NCOA7: variants seen among roughly 807,000 people sequenced by gnomAD.
NCOA7 encodes the protein 140 kDa estrogen receptor-associated protein.
In NCOA7, 45 loss-of-function variants were observed where a neutral mutation model predicts 104.3. The ratio of observed to expected loss-of-function variants is 0.43; its 90% CI spans 0.34 to 0.55. The LOEUF (loss-of-function observed/expected upper bound fraction) is 0.55. Among genes scored for constraint, NCOA7 ranks in the 20% least tolerant of loss-of-function variants. The probability of loss-of-function intolerance (pLI) is 0.02; values close to 1 mark genes in which losing one functional copy is unlikely to be tolerated. For missense variants in NCOA7, 1,041 were observed against 1,119.7 expected (o/e 0.93, Z 1.00); for synonymous variants, 398 against 402.3 (o/e 0.99, Z 0.13).
At chr6:125,876,218 G>A (rs1451258393) in intron 4 of NCOA7, among the ~76,000 whole-genome samples, 1 of 152,158 alleles carries the variant, frequency 6.6e-6, no homozygotes, top group Non-Finnish European at 1.5e-5. Context: ...TAGTAAATCT[G>A]CAAGCCTCTG....
At chr6:125,878,188 G>C (rs1783534934) in intron 4 of NCOA7, 75 bp from the exon 5 acceptor site, 2 of 781,032 alleles carry the variant, frequency 2.6e-6, no homozygotes, top group East Asian at 3.0e-5. Context: ...TCATATTGCA[G>C]ATAAATTAAT....
upstream of NCOA7, among the ~76,000 whole-genome samples, chr6:125,788,698 A>AT (rs60048395): frequency 0.014 from 1,671 of 121,868 alleles, 29 homozygotes; most frequent in African/African-American, 0.018. Context: ...CACCCAGCTA[A>AT]TTTTTTTTTT....
rs768493404 is a variant in NCOA7, at chr6:125,815,332, C to T, written c.-23C>T. The T allele has an allele frequency of 6.3e-7, 1 of 1,584,628 alleles. No homozygotes were observed. The highest frequency in any genetic ancestry group is 1.8e-5 in the Admixed American group (1 of 55,898). The stretch of plus-strand genomic sequence containing the variant: ...TTAAAAAGAGGGACTTTTTCAAATA[C>T]TTTGCACTTTTGATTGTGTATTATG... On this transcript the variant is annotated 5_prime_UTR_variant, in exon 2 of 16. Transcript: ENST00000392477.
chr6:125,916,864 T>G (rs982737211), intron 11 of NCOA7, among the ~76,000 whole-genome samples: 12 of 152,350 alleles, frequency 7.9e-5, no homozygotes, highest in African/African-American at 2.9e-4. Context: ...CAATACTAAT[T>G]TAAACTCTTC....
chr6:125,803,887 G>T (rs753681890), intron 1 of NCOA7, among the ~76,000 whole-genome samples: 9 of 152,010 alleles, frequency 5.9e-5, no homozygotes, highest in Non-Finnish European at 1.3e-4. Context: ...GATCCACAAA[G>T]TAGCCCCCAA....
upstream of NCOA7, among the ~76,000 whole-genome samples, chr6:125,789,524 T>G (rs1318347027): frequency 6.6e-6 from 1 of 152,210 alleles, no homozygotes; most frequent in Non-Finnish European, 1.5e-5. Flanking sequence ...AATCAGCTCT[T>G]TATACTTTAG....
At chr6:125,794,946 G>T (rs868047993) in intron 1 of NCOA7, among the ~76,000 whole-genome samples, 1 of 151,584 alleles carries the variant, frequency 6.6e-6, no homozygotes, top group Middle Eastern at 3.4e-3. Flanking sequence ...TGACCTTCGC[G>T]TCAGTGATTC....
At chr6:125,814,290 G>C (rs1484944688) in intron 1 of NCOA7, among the ~76,000 whole-genome samples, 1 of 152,104 alleles carries the variant, frequency 6.6e-6, no homozygotes, top group African/African-American at 2.4e-5. Context: ...GAGTAGCTGG[G>C]ACTGCAGGCG....
intron 3 of NCOA7, 130 bp downstream of exon 3, chr6:125,855,370 C>T: frequency 7.4e-6 from 5 of 676,494 alleles, no homozygotes; most frequent in Non-Finnish European, 9.8e-6. Flanking sequence ...GCCCCTGGCC[C>T]TTGCTTTACA....
At position 125,851,180 on chromosome 6, in the gene NCOA7, TG is replaced by T. The variant is rs1423735634; in HGVS notation, c.51-3838del. On this transcript the variant is annotated intron_variant, in intron 2 of 15. Coordinates refer to ENST00000392477, the MANE Select transcript of NCOA7 (RefSeq NM_181782.5). ...TTGGTTATGTGGATGAATCATATAGTGGTGGAGTCTGAAATGTTAGTGCACC... is the reference window on the plus strand; with the variant it reads ...TTGGTTATGTGGATGAATCATATAGTGTGGAGTCTGAAATGTTAGTGCACC... Among the ~76,000 whole-genome samples, 3 of 152,260 alleles carry T rather than the reference TG, an allele frequency of 2.0e-5. No individual in the cohort carries two copies. The East Asian group carries it at 5.8e-4, about 29-fold the overall frequency.
At chr6:125,920,237 G>A (rs1427201083) in intron 11 of NCOA7, among the ~76,000 whole-genome samples, 1 of 152,280 alleles carries the variant, frequency 6.6e-6, no homozygotes, top group East Asian at 1.9e-4. Context: ...TTAGACTAAA[G>A]CTTCACACTT....
At chr6:125,835,243 A>T (rs796101811) in intron 2 of NCOA7, among the ~76,000 whole-genome samples, 1 of 152,202 alleles carries the variant, frequency 6.6e-6, no homozygotes, top group Non-Finnish European at 1.5e-5. Context: ...GTTTCCAAGT[A>T]TCATCCAAAC....
At chr6:125,899,975 A>G in intron 10 of NCOA7, 1 of 532,686 alleles carries the variant, frequency 1.9e-6, no homozygotes, top group Non-Finnish European at 3.9e-6. Flanking sequence ...GTCCATTTCC[A>G]CTGCAGACTA....
intron 11 of NCOA7, among the ~76,000 whole-genome samples, chr6:125,919,889 A>C (rs757406370): frequency 6.6e-6 from 1 of 152,230 alleles, no homozygotes; most frequent in Admixed American, 6.5e-5. Context: ...GACAACTTGC[A>C]CTGGATTTAA....
At chr6:125,916,200 G>A (rs779506240) in intron 11 of NCOA7, among the ~76,000 whole-genome samples, 7 of 152,132 alleles carry the variant, frequency 4.6e-5, no homozygotes, top group Non-Finnish European at 1.0e-4. Context: ...TTTCCGCTAC[G>A]CTCGCTCGCT....
chr6:125,805,087 CTTTTTTTTT>C (rs59737297), intron 1 of NCOA7, among the ~76,000 whole-genome samples: 18 of 58,048 alleles, frequency 3.1e-4, no homozygotes, highest in African/African-American at 8.0e-4. Flanking sequence ...CCCTCTTGTT[CTTTTTTTTT>C]TTTTTTTTTT....
At chr6:125,793,790 C>T (rs1159687808) in intron 1 of NCOA7, among the ~76,000 whole-genome samples, 1 of 152,136 alleles carries the variant, frequency 6.6e-6, no homozygotes, top group Non-Finnish European at 1.5e-5. Context: ...AAAAAATATA[C>T]AGAAGTAAAT....
chr6:125,913,420 A>G (rs971994074), intron 10 of NCOA7, among the ~76,000 whole-genome samples: 1 of 152,214 alleles, frequency 6.6e-6, no homozygotes, highest in African/African-American at 2.4e-5. Flanking sequence ...GAGTCTACTG[A>G]TATAAATGTT....
intron 2 of NCOA7, among the ~76,000 whole-genome samples, chr6:125,819,369 T>C (rs78696823): frequency 7.2e-5 from 11 of 152,070 alleles, no homozygotes; most frequent in African/African-American, 2.4e-4. Flanking sequence ...CCTGTGTAAC[T>C]CTAAATAGAG....
Sources: gnomAD v4.1 joint callset for allele counts (sites outside exome capture counted in the v4.1 genomes callset) on GRCh38, gnomAD v4.1.1 for gene constraint, MANE v1.5 for transcripts, NCBI Gene and HGNC (gene_info 2026-07-23, HGNC 2026-07-21) for gene names.